DNER: variants seen among roughly 807,000 people sequenced by gnomAD.
DNER encodes the protein delta and Notch-like epidermal growth factor-related receptor.
In DNER, 33 loss-of-function variants were observed where a neutral mutation model predicts 78.2. That is an observed-to-expected ratio of 0.42 (90% CI 0.32 to 0.56). The LOEUF (loss-of-function observed/expected upper bound fraction) is 0.56. Among genes scored for constraint, DNER ranks in the 20% least tolerant of loss-of-function variants. The pLI is 0.11. For synonymous variants in DNER, 417 were observed against 384.8 expected (o/e 1.08, Z -0.98); for missense variants, 918 against 975.3 (o/e 0.94, Z 0.78).
chr2:229,710,979 A>ACGCGCG (rs750730916), intron 1 of DNER, among the ~76,000 whole-genome samples: 3 of 96,464 alleles, frequency 3.1e-5, no homozygotes, highest in Non-Finnish European at 6.3e-5. Context: ...GCATGCATAC[A>ACGCGCG]CGCGCACACA....
chr2:229,384,579 A>G (rs1306920679), intron 11 of DNER, among the ~76,000 whole-genome samples: 1 of 152,184 alleles, frequency 6.6e-6, no homozygotes, highest in Non-Finnish European at 1.5e-5. Flanking sequence ...TAAAGGGGAT[A>G]TCACCGCTGA....
At chr2:229,668,302 C>T (rs1287045625) in intron 1 of DNER, among the ~76,000 whole-genome samples, 2 of 151,534 alleles carry the variant, frequency 1.3e-5, no homozygotes, top group African/African-American at 4.9e-5. Flanking sequence ...GCCTTTTATA[C>T]CTGCTCAAAG....
intron 4 of DNER, among the ~76,000 whole-genome samples, chr2:229,555,451 T>C (rs2154213465): frequency 6.6e-6 from 1 of 152,278 alleles, no homozygotes; most frequent in Middle Eastern, 3.4e-3. Flanking sequence ...GCCATTGAGA[T>C]CCAGCTCAGA....
intron 1 of DNER, among the ~76,000 whole-genome samples, chr2:229,639,481 T>C (rs999078545): frequency 5.9e-5 from 9 of 152,190 alleles, no homozygotes; most frequent in Admixed American, 3.3e-4. Context: ...CTTGAACTCC[T>C]GACTTCAAGT....
intron 6 of DNER, among the ~76,000 whole-genome samples, chr2:229,496,633 CAA>C (rs928070105): frequency 2.6e-5 from 4 of 151,870 alleles, no homozygotes; most frequent in African/African-American, 9.7e-5. Context: ...AAGTGGAAAC[CAA>C]AAGAGAGCAG....
intron 10 of DNER, among the ~76,000 whole-genome samples, chr2:229,395,398 T>C (rs114362917): frequency 4.6e-5 from 7 of 152,274 alleles, no homozygotes; most frequent in African/African-American, 1.4e-4. Flanking sequence ...CTGATCAGCG[T>C]TGAGTTGCCC....
At chr2:229,709,100 ACAAT>A (rs1411142308) in intron 1 of DNER, among the ~76,000 whole-genome samples, 7 of 152,224 alleles carry the variant, frequency 4.6e-5, no homozygotes, top group Non-Finnish European at 8.8e-5. Context: ...TTGAAGGAAG[ACAAT>A]CAAACACACT....
chr2:229,657,515 C>T (rs1197894417), intron 1 of DNER, among the ~76,000 whole-genome samples: 1 of 152,116 alleles, frequency 6.6e-6, no homozygotes, highest in Non-Finnish European at 1.5e-5. Context: ...TTTTCAATTT[C>T]AACACTACAT....
chr2:229,472,319 C>T (rs1199133405), intron 7 of DNER, among the ~76,000 whole-genome samples: 3 of 152,148 alleles, frequency 2.0e-5, no homozygotes, highest in Non-Finnish European at 2.9e-5. Flanking sequence ...AAGGTGGTTC[C>T]GTTTGACCAG....
chr2:229,553,868 C>T (rs1041237339), intron 4 of DNER, among the ~76,000 whole-genome samples: 4 of 152,210 alleles, frequency 2.6e-5, no homozygotes, highest in Non-Finnish European at 5.9e-5. Context: ...TACCCTGATT[C>T]TCCTTGGGAC....
chr2:229,632,013 A>T (rs1237205699), intron 1 of DNER, among the ~76,000 whole-genome samples: 1 of 152,198 alleles, frequency 6.6e-6, no homozygotes, highest in Non-Finnish European at 1.5e-5. Context: ...TTCCTAACCC[A>T]ATAAACTCTG....
At chr2:229,393,425 C>CAA (rs1475279675) in intron 10 of DNER, among the ~76,000 whole-genome samples, 6 of 146,980 alleles carry the variant, frequency 4.1e-5, no homozygotes, top group African/African-American at 1.5e-4. Flanking sequence ...GACTCCGTCT[C>CAA]AAAAAAAATA....
chr2:229,412,779 G>A (rs186523965), intron 9 of DNER, among the ~76,000 whole-genome samples: 8 of 152,304 alleles, frequency 5.3e-5, no homozygotes, highest in African/African-American at 1.4e-4. Flanking sequence ...GCAAGGCGAC[G>A]TGCAAGAGGG....
intron 4 of DNER, among the ~76,000 whole-genome samples, chr2:229,564,807 G>A (rs1697071338): frequency 6.6e-6 from 1 of 152,104 alleles, no homozygotes; most frequent in Non-Finnish European, 1.5e-5. Context: ...TGAGTTTGGT[G>A]GCTGTAATGA....
At chr2:229,668,322 T>C (rs987868105) in intron 1 of DNER, among the ~76,000 whole-genome samples, 1 of 151,382 alleles carries the variant, frequency 6.6e-6, no homozygotes, top group African/African-American at 2.4e-5. Flanking sequence ...GGAACGATTA[T>C]TGTCAGAGAA....
intron 10 of DNER, among the ~76,000 whole-genome samples, chr2:229,407,009 A>G (rs1693402376): frequency 6.6e-6 from 1 of 152,186 alleles, no homozygotes; most frequent in Non-Finnish European, 1.5e-5. Flanking sequence ...TAGTCTTTGT[A>G]AGTCTAGACG....
intron 4 of DNER, among the ~76,000 whole-genome samples, chr2:229,562,353 C>T (rs1025423446): frequency 6.6e-6 from 1 of 152,160 alleles, no homozygotes; most frequent in African/African-American, 2.4e-5. Flanking sequence ...ATCAAGGTGG[C>T]TCGCTTTATA....
intron 5 of DNER, among the ~76,000 whole-genome samples, chr2:229,513,664 C>G (rs1012405718): frequency 1.3e-5 from 2 of 152,130 alleles, no homozygotes. Context: ...AAATAAACCA[C>G]AAATCTGTCC....
chr2:229,506,798 T>C (rs923847209), intron 6 of DNER, among the ~76,000 whole-genome samples: 3 of 152,084 alleles, frequency 2.0e-5, no homozygotes, highest in African/African-American at 4.8e-5. Context: ...GATAGTTTGC[T>C]GAGAATGATG....
Sources: gnomAD v4.1 joint callset for allele counts (sites outside exome capture counted in the v4.1 genomes callset) on GRCh38, gnomAD v4.1.1 for gene constraint, MANE v1.5 for transcripts, NCBI Gene and HGNC (gene_info 2026-07-23, HGNC 2026-07-21) for gene names.